Variants in ARVCF observed in about 807,000 individuals in gnomAD.
The protein encoded by ARVCF is ARVCF delta catenin family member.
ARVCF carries 66 observed loss-of-function variants against 90.9 expected under a neutral mutation model. The ratio of observed to expected loss-of-function variants is 0.73; its 90% CI spans 0.60 to 0.89. The LOEUF (loss-of-function observed/expected upper bound fraction) is 0.89, where lower values mean the gene tolerates loss of function less well. Among genes scored for constraint, ARVCF ranks in the 40% least tolerant of loss-of-function variants. The pLI is 0.00. For synonymous variants in ARVCF, 653 were observed against 603.4 expected (o/e 1.08, Z -1.21); for missense variants, 1,469 against 1,382.3 (o/e 1.06, Z -1.00).
intron 4 of ARVCF, 75 bp from the exon 5 acceptor site, chr22:19,981,812 T>C: frequency 6.5e-7 from 1 of 1,548,570 alleles, no homozygotes; most frequent in Non-Finnish European, 8.7e-7. Flanking sequence ...CTGGCTGGCC[T>C]TAATTTCCCA....
chr22:19,975,818 A>G, intron 10 of ARVCF, 61 bp from the exon 11 acceptor site: 1 of 1,568,442 alleles, frequency 6.4e-7, no homozygotes, highest in South Asian at 1.1e-5. Flanking sequence ...GTGTATCAGG[A>G]GAGTTGGGCA....
chr22:19,965,995 C>T (rs1942370699), downstream of ARVCF, among the ~76,000 whole-genome samples: 1 of 152,220 alleles, frequency 6.6e-6, no homozygotes, highest in African/African-American at 2.4e-5. Flanking sequence ...TTACTGCGGC[C>T]GAGTTTCAGC....
rs5993890 is a variant in ARVCF at position 19,971,306 on chromosome 22, G to C, written c.2811C>G (p.Pro937=). 1.0e-5 allele frequency: 16 copies of C among 1,555,350 alleles called. No individual in the cohort carries two copies. The highest frequency in any genetic ancestry group is 1.7e-4 in the Middle Eastern group (1 of 6,018). The part of the protein sequence containing the change: ...KLDPSRKAPP[P]GPSRPAVRLV... The stretch of plus-strand genomic sequence containing the variant: ...GCCTGACCGCGGGCCTGCTGGGCCC[G>C]GGGGGAGGGGCCTTCCTGCTGGGGT... Residue 937 remains proline (P), a synonymous_variant, in exon 19 of 20, where the codon CCC becomes CCG. Coordinates refer to ENST00000263207, the MANE Select transcript of ARVCF (RefSeq NM_001670.3).
intron 17 of ARVCF, among the ~76,000 whole-genome samples, 162 bp from the exon 18 acceptor site, chr22:19,972,133 C>G (rs1199062710): frequency 6.6e-6 from 1 of 152,142 alleles, no homozygotes; most frequent in East Asian, 1.9e-4. Context: ...CCAGCTCTCA[C>G]CAACACCCTG....
chr22:19,978,163 A>T, intron 7 of ARVCF, 88 bp from the exon 8 acceptor site: 1 of 1,190,422 alleles, frequency 8.4e-7, no homozygotes, highest in Non-Finnish European at 1.2e-6. Flanking sequence ...CTTCATCTGC[A>T]AAATAGGCCC....
At chr22:19,977,071 T>TA (rs1943197846) in intron 9 of ARVCF, among the ~76,000 whole-genome samples, 1 of 152,180 alleles carries the variant, frequency 6.6e-6, no homozygotes, top group Non-Finnish European at 1.5e-5. Flanking sequence ...AGTCTACAGC[T>TA]ATTCTGTGAA....
chr22:19,974,424 A>G, intron 11 of ARVCF, 185 bp from the exon 12 acceptor site: 2 of 701,408 alleles, frequency 2.9e-6, no homozygotes, highest in Non-Finnish European at 4.2e-6. Flanking sequence ...TTCCCATTTC[A>G]CAGAGGAACA....
chr22:19,978,669 G>A (rs1203221057), intron 7 of ARVCF, among the ~76,000 whole-genome samples: 5 of 152,110 alleles, frequency 3.3e-5, no homozygotes, highest in African/African-American at 7.2e-5. Flanking sequence ...GCAGGGCTAC[G>A]GTACCACAGA....
At chr22:20,012,079 T>TA (rs748580387) in intron 1 of ARVCF, among the ~76,000 whole-genome samples, 5 of 117,144 alleles carry the variant, frequency 4.3e-5, no homozygotes, top group Non-Finnish European at 5.2e-5. Context: ...CCTCCCAAAG[T>TA]CCCCCCCCCC....
chr22:20,013,934 A>G (rs919883479), intron 1 of ARVCF, among the ~76,000 whole-genome samples: 2 of 149,772 alleles, frequency 1.3e-5, no homozygotes, highest in Non-Finnish European at 3.0e-5. Context: ...GTGCGATGGC[A>G]CAATCTTGGC....
At chr22:20,007,580 A>G (rs1313926467) in intron 2 of ARVCF, among the ~76,000 whole-genome samples, 1 of 152,248 alleles carries the variant, frequency 6.6e-6, no homozygotes, top group Non-Finnish European at 1.5e-5. Context: ...AGGACCTCTA[A>G]GAGGTGTTTA....
Position 19,970,706 on chromosome 22 carries a change from C to T in ARVCF, c.*50G>A, listed in dbSNP as rs766861410. 36 of 1,286,618 alleles carry T rather than the reference C, an allele frequency of 2.8e-5. No homozygotes were observed. The East Asian group carries it at 3.4e-4, about 12-fold the overall frequency. The allele number at this position is 1,286,618 out of a possible 1,614,324, so 79.7% of individuals were successfully genotyped here. A position where few individuals can be genotyped will look rare whatever the true frequency, so the allele number is the denominator to read the frequency against. ...TCTGCTCAGGGTGGCCCTTCTTCCA[C>T]GATCCAAGCCCTAAGAACAAGAGGC... On this transcript the variant is annotated 3_prime_UTR_variant, in exon 20 of 20. Coordinates refer to ENST00000263207, the MANE Select transcript of ARVCF (RefSeq NM_001670.3).
rs1028480659 is a variant in ARVCF at position 19,980,252 on chromosome 22, C to T, written c.897-10G>A. 2.7e-6 allele frequency: 4 copies of T among 1,505,880 alleles called. No homozygotes were observed. In the Admixed American group the frequency reaches 6.4e-5, roughly 24 times the overall value. The allele number at this position is 1,505,880 out of a possible 1,614,324, so 93.3% of individuals were successfully genotyped here. A position where few individuals can be genotyped will look rare whatever the true frequency, so the allele number is the denominator to read the frequency against. ...TGTGTCCTCGTAGGCCCTGCACAGG[C>T]AAGTGGGGCGCGTGGACATCGTCAC... On this transcript the variant is annotated splice_polypyrimidine_tract_variant and intron_variant, in intron 5 of 19. Coordinates refer to ENST00000263207, the MANE Select transcript of ARVCF (RefSeq NM_001670.3).
intron 9 of ARVCF, 98 bp from the exon 10 acceptor site, chr22:19,976,821 G>A: frequency 1.5e-6 from 2 of 1,371,984 alleles, no homozygotes; most frequent in Non-Finnish European, 1.0e-6. Flanking sequence ...GGTTCCCACT[G>A]CACACCCTGG....
intron 5 of ARVCF, chr22:19,980,494 AACTC>A (rs1389685851): frequency 2.6e-5 from 12 of 463,904 alleles, no homozygotes; most frequent in African/African-American, 8.1e-5. Context: ...CAGGACAGCA[AACTC>A]ACTCACTGCT....
In ARVCF at chr22:19,981,576, T is replaced by C; in HGVS notation, c.531A>G (p.Thr177=). The C allele has an allele frequency of 6.2e-7, 1 of 1,605,276 alleles. No individual in the cohort carries two copies. The highest frequency in any genetic ancestry group is 8.5e-7 in the Non-Finnish European group (1 of 1,178,694). Residue 177 remains threonine (T), a synonymous_variant, in exon 5 of 20, where the codon ACA becomes ACG. Coordinates refer to ENST00000263207, the MANE Select transcript of ARVCF (RefSeq NM_001670.3). ...CACTGCTGAGGTAGGCTCGAGAGAG[T>C]GTGGCCACTGGGCCACCACCACGCA... ...FLLRGGGPVA[T]LSRAYLSSGG...
intron 1 of ARVCF, among the ~76,000 whole-genome samples, chr22:20,015,573 G>A (rs1206226282): frequency 6.6e-6 from 1 of 152,160 alleles, no homozygotes; most frequent in East Asian, 1.9e-4. Context: ...AGGCAGATAA[G>A]GCAGTAGTTA....
At position 19,973,102 on chromosome 22, in the gene ARVCF, A is replaced by G; in HGVS notation, c.2438+17T>C. On this transcript the variant is annotated intron_variant, in intron 14 of 19. Coordinates refer to ENST00000263207, the MANE Select transcript of ARVCF (RefSeq NM_001670.3). ...ACCTCCGCGGCTCCCCAAGCCACCGACCCCGCCCCTCCACACCTGGAGGCC... is the reference window on the plus strand; with the variant it reads ...ACCTCCGCGGCTCCCCAAGCCACCGGCCCCGCCCCTCCACACCTGGAGGCC... 1.4e-6 allele frequency: 2 copies of G among 1,394,278 alleles called. No homozygotes were observed. The highest frequency in any genetic ancestry group is 9.5e-7 in the Non-Finnish European group (1 of 1,049,712). The allele number at this position is 1,394,278 out of a possible 1,614,324, so 86.4% of individuals were successfully genotyped here. A position where few individuals can be genotyped will look rare whatever the true frequency, so the allele number is the denominator to read the frequency against.
downstream of ARVCF, chr22:19,968,807 T>C (rs1942582972): frequency 6.8e-7 from 1 of 1,466,802 alleles, no homozygotes; most frequent in Admixed American, 1.8e-5. Flanking sequence ...GTGCTCCTGC[T>C]GACCTTCTGC....
Sources: gnomAD v4.1 joint callset for allele counts (sites outside exome capture counted in the v4.1 genomes callset) on GRCh38, gnomAD v4.1.1 for gene constraint, MANE v1.5 for transcripts, NCBI Gene and HGNC (gene_info 2026-07-23, HGNC 2026-07-21) for gene names.